ZNF624: variants seen among roughly 807,000 people sequenced by gnomAD.
The protein encoded by ZNF624 is zinc finger protein 624.
ZNF624 carries 43 observed loss-of-function variants against 74.7 expected under a neutral mutation model. That is an observed-to-expected ratio of 0.58 (90% CI 0.45 to 0.74). The LOEUF (loss-of-function observed/expected upper bound fraction) is 0.74, where lower values mean the gene tolerates loss of function less well. Ranked by LOEUF, ZNF624 falls within the 30% of genes least tolerant of loss-of-function variation. The pLI is 0.00. For synonymous variants in ZNF624, 331 were observed against 341.3 expected (o/e 0.97, Z 0.33); for missense variants, 820 against 1,030.0 (o/e 0.80, Z 2.79).
At chr17:16,648,688 T>G (rs571685645) in intron 2 of ZNF624, among the ~76,000 whole-genome samples, 105 of 152,348 alleles carry the variant, frequency 6.9e-4, no homozygotes, top group African/African-American at 2.4e-3. Flanking sequence ...TTCTTCTGAA[T>G]CTATTTTAAA....
In ZNF624 at chr17:16,624,133, C is replaced by T. The variant is rs1179617214; in HGVS notation, c.753G>A (p.Met251Ile). 3 of 1,614,130 alleles carry T rather than the reference C, an allele frequency of 1.9e-6. No homozygotes were observed. The highest frequency in any genetic ancestry group is 2.5e-6 in the Non-Finnish European group (3 of 1,180,026). The change falls in exon 6 of 6, where the codon ATG (methionine) becomes ATA (isoleucine). Residue 251 changes from methionine (M) to isoleucine (I), a missense_variant. By Grantham distance (10) the Met-to-Ile change is conservative. Coordinates refer to ENST00000311331, the MANE Select transcript of ZNF624 (RefSeq NM_020787.4). Reference protein sequence around the residue: ...THLGKIICKEMKGSKAIRQTS... With the variant: ...THLGKIICKEIKGSKAIRQTS... Reference sequence around the variant, plus strand: ...TCTGCCTTATGGCTTTGCTGCCTTTCATCTCCTTGCAAATTATCTTCCCCA... The same window carrying T: ...TCTGCCTTATGGCTTTGCTGCCTTTTATCTCCTTGCAAATTATCTTCCCCA...
At chr17:16,652,202 C>T (rs1478112828) in intron 1 of ZNF624, among the ~76,000 whole-genome samples, 3 of 152,090 alleles carry the variant, frequency 2.0e-5, no homozygotes, top group Non-Finnish European at 4.4e-5. Flanking sequence ...CAAAATAATG[C>T]ACATGCATAT....
In ZNF624 at chr17:16,640,572, A is replaced by C. The variant is rs527257760; in HGVS notation, c.154-5816T>G. Among the ~76,000 whole-genome samples, 5 of 152,316 alleles carry C rather than the reference A, an allele frequency of 3.3e-5. No homozygotes were observed. The South Asian group carries it at 8.3e-4, about 25-fold the overall frequency. On this transcript the variant is annotated intron_variant, in intron 3 of 5. Coordinates refer to ENST00000311331, the MANE Select transcript of ZNF624 (RefSeq NM_020787.4). ...ATTACTAAAATCAGAATGAAAAAGA[A>C]GACATTCCTACTGACCTTAAAGAAA...
intron 3 of ZNF624, among the ~76,000 whole-genome samples, chr17:16,641,902 A>G (rs1207840724): frequency 2.0e-5 from 3 of 152,258 alleles, no homozygotes; most frequent in Admixed American, 2.0e-4. Context: ...AAATTCATTT[A>G]TAATAGCAAA....
Position 16,623,868 on chromosome 17 carries a change from C to T in ZNF624, c.1018G>A (p.Ala340Thr), listed in dbSNP as rs745711921. 4 of 1,613,896 alleles carry T rather than the reference C, an allele frequency of 2.5e-6. No individual in the cohort carries two copies. The highest frequency in any genetic ancestry group is 3.4e-6 in the Non-Finnish European group (4 of 1,179,984). Residue 340 changes from alanine (A) to threonine (T), a missense_variant, in exon 6 of 6, where the codon GCC becomes ACC. By Grantham distance (58) the Ala-to-Thr change is moderately conservative. Coordinates refer to ENST00000311331, the MANE Select transcript of ZNF624 (RefSeq NM_020787.4). This position sits in a 1 kb window ranked among gnomAD's most constrained non-coding sequence, Gnocchi z 5.3. ...KPYKCNECGK[A>T]FIASSSLMVH... ...ATAAGTGATGAAGAAGCAATGAAGG[C>T]CTTTCCACATTCATTACATTTATAG...
Position 16,625,813 on chromosome 17 carries a change from T to C in ZNF624, c.377-1304A>G, listed in dbSNP as rs555501073. The stretch of plus-strand genomic sequence containing the variant: ...ACTGGTCTTACAATGTGTTTGTGTA[T>C]GCAATTTAATATTTTATTTTTAAGA... On this transcript the variant is annotated intron_variant, in intron 5 of 5. Transcript: ENST00000311331. Among the ~76,000 whole-genome samples the C allele has an allele frequency of 2.1e-3, 321 of 152,312 alleles. 4 individuals carry two copies. The highest frequency in any genetic ancestry group is 2.9e-3 in the Non-Finnish European group (197 of 68,028).
chr17:16,625,809 T>C (rs1190513821), intron 5 of ZNF624, among the ~76,000 whole-genome samples: 3 of 152,214 alleles, frequency 2.0e-5, no homozygotes, highest in African/African-American at 7.2e-5. Context: ...AATGTGTTTG[T>C]GTATGCAATT....
intron 3 of ZNF624, among the ~76,000 whole-genome samples, chr17:16,645,712 G>A (rs1023519295): frequency 2.0e-5 from 3 of 151,204 alleles, no homozygotes; most frequent in Non-Finnish European, 4.4e-5. Flanking sequence ...AGCATTTTGG[G>A]AGGCTGAGGC....
At chr17:16,634,039 C>A in intron 4 of ZNF624, 82 bp from the exon 5 acceptor site, 1 of 1,128,724 alleles carries the variant, frequency 8.9e-7, no homozygotes, top group East Asian at 2.4e-5. Flanking sequence ...TCTTAATCTT[C>A]TGGGCAGAAT....
intron 5 of ZNF624, among the ~76,000 whole-genome samples, chr17:16,627,947 G>A (rs4791672): frequency 0.23 from 35,424 of 151,974 alleles, 4,609 homozygotes; most frequent in East Asian, 0.35. Flanking sequence ...CTGATACCCA[G>A]TAAAAAATAA....
Position 16,624,148 on chromosome 17 carries a change from T to G in ZNF624, c.738A>C (p.Ile246=), listed in dbSNP as rs765109275. 7 of 1,614,048 alleles carry G rather than the reference T, an allele frequency of 4.3e-6. No individual in the cohort carries two copies. In the Admixed American group the frequency reaches 6.7e-5, roughly 15 times the overall value. Residue 246 remains isoleucine, a synonymous_variant, in exon 6 of 6, where the codon ATA becomes ATC. Transcript: ENST00000311331. ...TGCTGCCTTTCATCTCCTTGCAAAT[T>G]ATCTTCCCCAAATGGGTATCTGTAA... is the stretch of plus-strand genomic sequence containing the variant. ...NLITDTHLGK[I]ICKEMKGSKA...
At chr17:16,616,006 A>T (rs1392197104), downstream of ZNF624, among the ~76,000 whole-genome samples, 1 of 136,030 alleles carries the variant, frequency 7.4e-6, no homozygotes, top group Non-Finnish European at 1.6e-5. Context: ...TATGAATGAG[A>T]TATACCATAT....
chr17:16,646,303 TA>T (rs1053971846), intron 3 of ZNF624, among the ~76,000 whole-genome samples: 3 of 152,174 alleles, frequency 2.0e-5, no homozygotes, highest in African/African-American at 7.2e-5. Context: ...TATCGTATGT[TA>T]AAAAGAATTT....
downstream of ZNF624, among the ~76,000 whole-genome samples, chr17:16,618,183 A>G (rs1391961518): frequency 6.6e-6 from 1 of 152,108 alleles, no homozygotes; most frequent in African/African-American, 2.4e-5. Flanking sequence ...TACTAAAAAA[A>G]AAATACAAAA....
intron 2 of ZNF624, 149 bp downstream of exon 2, chr17:16,649,509 C>G: frequency 1.5e-6 from 1 of 668,770 alleles, no homozygotes; most frequent in Middle Eastern, 4.1e-4. Flanking sequence ...TAGTTTACTA[C>G]CCTTACTGTG....
At chr17:16,616,781 T>C, downstream of ZNF624, 2 of 857,332 alleles carry the variant, frequency 2.3e-6, no homozygotes, top group Non-Finnish European at 3.5e-6. Flanking sequence ...AGTATAAACA[T>C]GGAAGAGTAA....
intron 5 of ZNF624, among the ~76,000 whole-genome samples, chr17:16,625,106 T>C (rs1164100727): frequency 6.6e-6 from 1 of 151,742 alleles, no homozygotes; most frequent in Non-Finnish European, 1.5e-5. Flanking sequence ...CTTTTGACAA[T>C]CTCAAAAACT....
intron 3 of ZNF624, among the ~76,000 whole-genome samples, chr17:16,635,206 T>C (rs1909298735): frequency 6.6e-6 from 1 of 152,212 alleles, no homozygotes. Flanking sequence ...TACTAAAAGA[T>C]ACATTTTATC....
At chr17:16,625,395 T>C (rs576621697) in intron 5 of ZNF624, among the ~76,000 whole-genome samples, 22 of 152,218 alleles carry the variant, frequency 1.4e-4, no homozygotes, top group Non-Finnish European at 3.2e-4. Flanking sequence ...TTGGCCAGGC[T>C]GGTCTTGAAC....
Sources: gnomAD v4.1 joint callset for allele counts (sites outside exome capture counted in the v4.1 genomes callset) on GRCh38, gnomAD v4.1.1 for gene constraint, Gnocchi (gnomAD v3.1) non-coding constraint, MANE v1.5 for transcripts, NCBI Gene and HGNC (gene_info 2026-07-23, HGNC 2026-07-21) for gene names.